The following ATXN1 variants were observed in gnomAD, a reference collection of about 807,000 sequenced individuals.
ATXN1 encodes ataxin 1.
A neutral mutation model predicts 56.4 loss-of-function variants in ATXN1; 8 were observed. The ratio of observed to expected loss-of-function variants is 0.14; its 90% CI spans 0.08 to 0.26. The LOEUF (loss-of-function observed/expected upper bound fraction) is 0.26, where lower values mean the gene tolerates loss of function less well. ATXN1 is among the 10% of genes least tolerant of loss of function. The probability of loss-of-function intolerance (pLI) is 1.00; values close to 1 mark genes in which losing one functional copy is unlikely to be tolerated. For missense variants in ATXN1, 987 were observed against 1,106.5 expected (o/e 0.89, Z 1.53); for synonymous variants, 514 against 494.6 (o/e 1.04, Z -0.52).
intron 6 of ATXN1, among the ~76,000 whole-genome samples, chr6:16,336,077 A>G (rs1761116628): frequency 6.6e-6 from 1 of 152,232 alleles, no homozygotes; most frequent in South Asian, 2.1e-4. Flanking sequence ...CTTATTATAC[A>G]TGCCAAGAAC....
intron 6 of ATXN1, among the ~76,000 whole-genome samples, chr6:16,438,245 C>T (rs1278867235): frequency 6.6e-6 from 1 of 152,194 alleles, no homozygotes; most frequent in Non-Finnish European, 1.5e-5. Context: ...GCCACAGACC[C>T]ATAATGGTCC....
chr6:16,489,223 G>A (rs536218203), intron 5 of ATXN1, among the ~76,000 whole-genome samples: 2 of 152,170 alleles, frequency 1.3e-5, no homozygotes, highest in Admixed American at 1.3e-4. Context: ...GCATCTAGTG[G>A]AAGAGCCTGG....
intron 4 of ATXN1, among the ~76,000 whole-genome samples, chr6:16,559,049 A>G (rs1261638597): frequency 2.6e-5 from 4 of 152,198 alleles, no homozygotes; most frequent in Non-Finnish European, 4.4e-5. Flanking sequence ...AACCACCACT[A>G]TAATAACAGA....
At chr6:16,332,338 T>C (rs918546905) in intron 6 of ATXN1, among the ~76,000 whole-genome samples, 3 of 152,050 alleles carry the variant, frequency 2.0e-5, no homozygotes, top group Admixed American at 6.6e-5. Flanking sequence ...CGGGTGATCA[T>C]GGGACTAAAC....
rs147029860 is a variant in ATXN1 at position 16,489,900 on chromosome 6, A to T, written c.-298-3791T>A. Among the ~76,000 whole-genome samples, 261 of 152,282 alleles carry T rather than the reference A, an allele frequency of 1.7e-3. 1 individual carries two copies. The highest frequency in any genetic ancestry group is 5.9e-3 in the African/African-American group (244 of 41,560). On this transcript the variant is annotated intron_variant, in intron 5 of 7. Transcript: ENST00000436367. ...CTAAGACCCATCTGTAGAATTTCTG[A>T]TTCAGTAGGCTTGGGGTGGGGTCAG...
intron 4 of ATXN1, among the ~76,000 whole-genome samples, chr6:16,537,741 A>G (rs1761632405): frequency 6.6e-6 from 1 of 151,966 alleles, no homozygotes; most frequent in African/African-American, 2.4e-5. Context: ...GAAAAAAAAA[A>G]AGAAATGATG....
chr6:16,321,149 A>G (rs909483700), intron 7 of ATXN1, among the ~76,000 whole-genome samples: 1 of 152,114 alleles, frequency 6.6e-6, no homozygotes, highest in African/African-American at 2.4e-5. Flanking sequence ...CAGTTCCTGC[A>G]TTTTCCAAGC....
intron 6 of ATXN1, among the ~76,000 whole-genome samples, chr6:16,406,393 G>T (rs1758686063): frequency 6.6e-6 from 1 of 152,152 alleles, no homozygotes; most frequent in African/African-American, 2.4e-5. Context: ...GTAATGTGAA[G>T]ATCAGTTAGT....
In ATXN1 at chr6:16,748,680, G is replaced by A. The variant is rs553353724; in HGVS notation, c.-615+4553C>T. On this transcript the variant is annotated intron_variant, in intron 2 of 7. Coordinates refer to ENST00000436367, the MANE Select transcript of ATXN1 (RefSeq NM_001128164.2). ...GCATAATGCGTCTCATACATTAGAT[G>A]CTCATTAAATAATTGCAGACAAGAA... Among the ~76,000 whole-genome samples the A allele has an allele frequency of 3.9e-5, 6 of 152,272 alleles. No individual in the cohort carries two copies. In the South Asian group the frequency reaches 1.0e-3, roughly 26 times the overall value.
chr6:16,340,081 A>G (rs1204577346), intron 6 of ATXN1, among the ~76,000 whole-genome samples: 1 of 152,180 alleles, frequency 6.6e-6, no homozygotes, highest in East Asian at 1.9e-4. Context: ...GCGCCTGACC[A>G]TGAAGAATTT....
At chr6:16,719,877 C>T (rs181638326) in intron 2 of ATXN1, among the ~76,000 whole-genome samples, 2 of 152,208 alleles carry the variant, frequency 1.3e-5, no homozygotes, top group African/African-American at 4.8e-5. Context: ...GTTCTCCCAA[C>T]AGAGCTTCGG....
At chr6:16,678,785 C>T (rs570870376) in intron 2 of ATXN1, among the ~76,000 whole-genome samples, 5 of 152,216 alleles carry the variant, frequency 3.3e-5, no homozygotes, top group South Asian at 2.1e-4. Flanking sequence ...CCTGTAATCC[C>T]AGCACTTTGG....
At chr6:16,349,575 T>C (rs1475210328) in intron 6 of ATXN1, among the ~76,000 whole-genome samples, 4 of 152,140 alleles carry the variant, frequency 2.6e-5, no homozygotes, top group Non-Finnish European at 5.9e-5. Context: ...TCCTGCATCA[T>C]AGACACCAGT....
At chr6:16,325,949 A>C (rs1176440103) in intron 7 of ATXN1, among the ~76,000 whole-genome samples, 1 of 152,134 alleles carries the variant, frequency 6.6e-6, no homozygotes, top group African/African-American at 2.4e-5. Context: ...ACATATTTTA[A>C]AACATGGATG....
chr6:16,325,308 G>A (rs1020705411), intron 7 of ATXN1, among the ~76,000 whole-genome samples: 14 of 151,942 alleles, frequency 9.2e-5, no homozygotes, highest in African/African-American at 3.4e-4. Flanking sequence ...AGTAGAGACA[G>A]GGTTTCACCA....
intron 6 of ATXN1, among the ~76,000 whole-genome samples, chr6:16,370,698 T>C (rs1161775173): frequency 6.6e-6 from 1 of 152,244 alleles, no homozygotes; most frequent in Non-Finnish European, 1.5e-5. Flanking sequence ...TCTATGCATG[T>C]TTACAAAGTT....
At chr6:16,317,089 G>C (rs1760530640) in intron 7 of ATXN1, among the ~76,000 whole-genome samples, 1 of 151,986 alleles carries the variant, frequency 6.6e-6, no homozygotes, top group Non-Finnish European at 1.5e-5. Flanking sequence ...TCTTGCAGCT[G>C]TGTTAGTAAT....
intron 4 of ATXN1, among the ~76,000 whole-genome samples, chr6:16,541,013 C>T (rs1761703620): frequency 6.6e-6 from 1 of 152,144 alleles, no homozygotes. Flanking sequence ...TGAATATGAG[C>T]TCATCGTAAC....
chr6:16,463,697 C>T (rs1760044396), intron 6 of ATXN1, among the ~76,000 whole-genome samples: 1 of 152,216 alleles, frequency 6.6e-6, no homozygotes, highest in Admixed American at 6.5e-5. Flanking sequence ...TGCTGCCCAG[C>T]AGTTACAGGA....
Sources: allele counts gnomAD v4.1 joint callset (sites outside exome capture counted in the v4.1 genomes callset), GRCh38; gene constraint gnomAD v4.1.1; transcripts MANE v1.5; gene names NCBI Gene and HGNC (gene_info 2026-07-23, HGNC 2026-07-21).